Variants in SMCHD1 observed in about 807,000 individuals in gnomAD.
SMCHD1 encodes structural maintenance of chromosomes flexible hinge domain-containing protein 1.
A neutral mutation model predicts 254.7 loss-of-function variants in SMCHD1; 78 were observed. The observed-to-expected ratio is 0.31, with a 90% CI of 0.26 to 0.37. SMCHD1 has a LOEUF of 0.37. Among genes scored for constraint, SMCHD1 ranks in the 10% least tolerant of loss-of-function variants. The probability of loss-of-function intolerance (pLI) is 1.00; values close to 1 mark genes in which losing one functional copy is unlikely to be tolerated. For missense variants in SMCHD1, 1,840 were observed against 2,408.1 expected, an observed-to-expected ratio of 0.76 and a Z score of 4.94; for synonymous variants, 766 against 794.9, an observed-to-expected ratio of 0.96 and a Z score of 0.61.
At chr18:2,656,646 G>T (rs1012345773) in intron 1 of SMCHD1, among the ~76,000 whole-genome samples, 2 of 152,256 alleles carry the variant, frequency 1.3e-5, no homozygotes, top group Non-Finnish European at 2.9e-5. Context: ...TAAAACGAGA[G>T]AAGGGAGTTA....
intron 12 of SMCHD1, among the ~76,000 whole-genome samples, chr18:2,702,927 C>T (rs1036815): frequency 0.19 from 28,970 of 152,066 alleles, 3,032 homozygotes; most frequent in South Asian, 0.27. Flanking sequence ...GTCTTACCTC[C>T]TCATTGCCCT....
intron 34 of SMCHD1, among the ~76,000 whole-genome samples, chr18:2,756,784 A>G (rs1434275168): frequency 6.6e-6 from 1 of 152,128 alleles, no homozygotes; most frequent in East Asian, 1.9e-4. Context: ...ATCTAAATAA[A>G]TAGATAATTT....
chr18:2,795,037 G>GT (rs146893464), intron 45 of SMCHD1, among the ~76,000 whole-genome samples: 5 of 76,908 alleles, frequency 6.5e-5, no homozygotes, highest in Admixed American at 1.6e-4. Flanking sequence ...AAAAAATTCT[G>GT]GGTTTTTTTT....
intron 44 of SMCHD1, among the ~76,000 whole-genome samples, 164 bp downstream of exon 44, chr18:2,778,403 G>C (rs1341650552): frequency 6.6e-6 from 1 of 152,136 alleles, no homozygotes; most frequent in East Asian, 1.9e-4. Flanking sequence ...GAATGGACCA[G>C]GATGCAAATT....
chr18:2,779,224 C>G (rs2076116447), intron 44 of SMCHD1, among the ~76,000 whole-genome samples: 1 of 152,090 alleles, frequency 6.6e-6, no homozygotes, highest in South Asian at 2.1e-4. Context: ...GTAGATTTCT[C>G]CAAGTGATGT....
chr18:2,678,359 G>A (rs545761147), intron 5 of SMCHD1, among the ~76,000 whole-genome samples: 23 of 145,144 alleles, frequency 1.6e-4, no homozygotes, highest in Admixed American at 3.5e-4. Context: ...GGAGTGCAAT[G>A]GCACAATCTT....
chr18:2,783,375 C>G (rs1273625838), intron 44 of SMCHD1, among the ~76,000 whole-genome samples: 2 of 152,094 alleles, frequency 1.3e-5, no homozygotes, highest in East Asian at 3.9e-4. Context: ...CCATAGCCCC[C>G]CACCAAAGTT....
intron 45 of SMCHD1, among the ~76,000 whole-genome samples, chr18:2,793,366 A>G (rs1413947081): frequency 6.6e-6 from 1 of 152,212 alleles, no homozygotes; most frequent in Non-Finnish European, 1.5e-5. Flanking sequence ...TTATGTACGT[A>G]GAAAACATTG....
chr18:2,706,662 T>A, intron 15 of SMCHD1, 192 bp downstream of exon 15: 1 of 418,906 alleles, frequency 2.4e-6, no homozygotes, highest in Non-Finnish European at 4.3e-6. Flanking sequence ...GCATTTGTTT[T>A]GTAGACAAAG....
intron 25 of SMCHD1, among the ~76,000 whole-genome samples, chr18:2,735,078 A>C (rs2075222044): frequency 6.6e-6 from 1 of 152,088 alleles, no homozygotes; most frequent in African/African-American, 2.4e-5. Flanking sequence ...CAAAAAAAAA[A>C]AGTTAATTCA....
intron 41 of SMCHD1, among the ~76,000 whole-genome samples, chr18:2,773,871 C>T (rs543539839): frequency 2.6e-5 from 4 of 151,920 alleles, no homozygotes; most frequent in South Asian, 2.1e-4. Flanking sequence ...TGCAGTGAGC[C>T]GAGATCATGC....
rs1246260695 is a variant in SMCHD1 at position 2,697,040 on chromosome 18, A to T, written c.1049A>T (p.Tyr350Phe). ...ATTCTTCTCTATTTTAGGCATATTT[A>T]TCACTACTATATTCATGGCCCAAAA... ...HLWTRQLAHI[Y>F]HYYIHGPKGN... Residue 350 changes from tyrosine to phenylalanine, a missense_variant, in exon 9 of 48, where the codon TAT becomes TTT. Tyr to Phe is a conservative substitution (Grantham distance 22). Transcript: ENST00000320876. The T allele has an allele frequency of 3.6e-6, 5 of 1,407,834 alleles. No homozygotes were observed. The highest frequency in any genetic ancestry group is 4.8e-6 in the Non-Finnish European group (5 of 1,047,286). The allele number at this position is 1,407,834 out of a possible 1,614,324, so 87.2% of individuals were successfully genotyped here. A position where few individuals can be genotyped will look rare whatever the true frequency, so the allele number is the denominator to read the frequency against.
intron 8 of SMCHD1, among the ~76,000 whole-genome samples, chr18:2,696,215 T>G (rs1179253030): frequency 2.0e-5 from 3 of 152,162 alleles, no homozygotes; most frequent in Non-Finnish European, 4.4e-5. Context: ...AGGGTAAGAT[T>G]GTCTCAGTGC....
Position 2,750,231 on chromosome 18 carries a change from T to C in SMCHD1, c.4007+109T>C, listed in dbSNP as rs917450123. ...CCTTCTGTTTAATGTTAGGCAAGAG[T>C]TGGGACTGAATAGAAGTTGAGAGGT... On this transcript the variant is annotated intron_variant, in intron 31 of 47. Coordinates refer to ENST00000320876, the MANE Select transcript of SMCHD1 (RefSeq NM_015295.3). 9 of 1,405,462 alleles carry C rather than the reference T, an allele frequency of 6.4e-6. 1 individual carries two copies. In the Admixed American group the frequency reaches 7.0e-5, roughly 11 times the overall value. 87.1% of individuals were successfully genotyped at this position (1,405,462 alleles called of 1,614,324 possible).
At chr18:2,791,221 A>ATGAATGAATACCT (rs1193306472) in intron 45 of SMCHD1, among the ~76,000 whole-genome samples, 1 of 152,224 alleles carries the variant, frequency 6.6e-6, no homozygotes, top group African/African-American at 2.4e-5. Context: ...AAAAATAAAT[A>ATGAATGAATACCT]TGAATGAATA....
intron 1 of SMCHD1, among the ~76,000 whole-genome samples, chr18:2,656,667 G>A (rs1342296573): frequency 6.6e-6 from 1 of 152,250 alleles, no homozygotes; most frequent in African/African-American, 2.4e-5. Flanking sequence ...ACGCCCAGGG[G>A]CTCTGTTGTG....
In SMCHD1 at chr18:2,681,369, C is replaced by T. The variant is rs1276069187; in HGVS notation, c.639-7025C>T. Among the ~76,000 whole-genome samples the T allele has an allele frequency of 6.1e-5, 9 of 147,330 alleles. No individual in the cohort carries two copies. In the East Asian group the frequency reaches 8.0e-4, roughly 13 times the overall value. ...TGGAGGATGCAATGAGCCGAGATTG[C>T]GCCGCTGTACTCCAGCCTGGGTGAC... is the stretch of plus-strand genomic sequence containing the variant. On this transcript the variant is annotated intron_variant, in intron 5 of 47. Coordinates refer to ENST00000320876, the MANE Select transcript of SMCHD1 (RefSeq NM_015295.3).
At chr18:2,743,113 A>G (rs538097786) in intron 28 of SMCHD1, among the ~76,000 whole-genome samples, 3 of 152,292 alleles carry the variant, frequency 2.0e-5, no homozygotes, top group African/African-American at 7.2e-5. Flanking sequence ...ATACTGCAGC[A>G]CTCACGCCAG....
chr18:2,756,161 A>G (rs1267450086), intron 34 of SMCHD1, among the ~76,000 whole-genome samples: 1 of 152,124 alleles, frequency 6.6e-6, no homozygotes, highest in Non-Finnish European at 1.5e-5. Context: ...TAATGTGGTA[A>G]TTATAGTACA....
Sources: allele counts gnomAD v4.1 joint callset (sites outside exome capture counted in the v4.1 genomes callset), GRCh38; gene constraint gnomAD v4.1.1; transcripts MANE v1.5; gene names NCBI Gene and HGNC (gene_info 2026-07-23, HGNC 2026-07-21).